ASAP1: variants seen among roughly 807,000 people sequenced by gnomAD.
ASAP1 encodes ArfGAP with SH3 domain, ankyrin repeat and PH domain 1, also known as arf-GAP with SH3 domain, ANK repeat and PH domain-containing protein 1.
ASAP1 carries 43 observed loss-of-function variants against 145.2 expected under a neutral mutation model. The observed-to-expected ratio is 0.30, with a 90% CI of 0.23 to 0.38. ASAP1 has a LOEUF of 0.38. Ranked by LOEUF, ASAP1 falls within the 10% of genes least tolerant of loss-of-function variation. The pLI is 1.00. For synonymous variants in ASAP1, 546 were observed against 515.5 expected (o/e 1.06, Z -0.80); for missense variants, 1,018 against 1,355.3 (o/e 0.75, Z 3.91).
At chr8:130,218,970 A>G (rs1024183818) in intron 4 of ASAP1, among the ~76,000 whole-genome samples, 3 of 152,120 alleles carry the variant, frequency 2.0e-5, no homozygotes, top group Non-Finnish European at 2.9e-5. Context: ...GCATAAAAAT[A>G]TAACAGTTTA....
At chr8:130,286,740 G>A (rs1275413922) in intron 3 of ASAP1, among the ~76,000 whole-genome samples, 5 of 152,164 alleles carry the variant, frequency 3.3e-5, no homozygotes, top group Non-Finnish European at 5.9e-5. Context: ...CACAGCATCC[G>A]ACATGTTTAC....
At chr8:130,230,277 T>G (rs1281100545) in intron 4 of ASAP1, among the ~76,000 whole-genome samples, 2 of 151,980 alleles carry the variant, frequency 1.3e-5, no homozygotes, top group Non-Finnish European at 2.9e-5. Flanking sequence ...ACGGAGGAAG[T>G]GCATACACAG....
At chr8:130,187,810 G>A (rs1387020294) in intron 6 of ASAP1, among the ~76,000 whole-genome samples, 1 of 152,204 alleles carries the variant, frequency 6.6e-6, no homozygotes, top group Non-Finnish European at 1.5e-5. Flanking sequence ...AGGAGCCCGA[G>A]GTTCAGAAGG....
At position 130,065,545 on chromosome 8, in the gene ASAP1, C is replaced by T. The variant is rs189272203; in HGVS notation, c.2702-4476G>A. Among the ~76,000 whole-genome samples the T allele has an allele frequency of 8.7e-4, 132 of 152,222 alleles. 3 individuals are homozygous for T. In the Middle Eastern group the frequency reaches 0.027, roughly 31 times the overall value. The stretch of plus-strand genomic sequence containing the variant: ...TCTGTTTCCTGAGGCCTAACACATC[C>T]AGCATTACAACCAGACTGTAACAAG... On this transcript the variant is annotated intron_variant, in intron 27 of 29. Transcript: ENST00000518721.
chr8:130,348,359 T>C (rs1271457205), intron 3 of ASAP1, among the ~76,000 whole-genome samples: 1 of 152,204 alleles, frequency 6.6e-6, no homozygotes, highest in Non-Finnish European at 1.5e-5. Context: ...GCATATGAGG[T>C]TCTGATTTTA....
At chr8:130,109,171 T>G (rs1022576006) in intron 24 of ASAP1, among the ~76,000 whole-genome samples, 4 of 151,646 alleles carry the variant, frequency 2.6e-5, no homozygotes, top group African/African-American at 9.8e-5. Flanking sequence ...AAATTAATTT[T>G]ACAGCTTTGA....
At chr8:130,418,322 G>T (rs1018326244) in intron 1 of ASAP1, among the ~76,000 whole-genome samples, 8 of 152,164 alleles carry the variant, frequency 5.3e-5, no homozygotes, top group Non-Finnish European at 1.0e-4. Flanking sequence ...GGGCCAGGCG[G>T]GCGGATCATG....
intron 9 of ASAP1, among the ~76,000 whole-genome samples, chr8:130,173,885 C>A (rs747809401): frequency 4.7e-5 from 7 of 149,674 alleles, no homozygotes; most frequent in African/African-American, 7.4e-5. Context: ...CCAGCCTGGG[C>A]AACAAGGTAA....
At chr8:130,142,999 C>T (rs939432718) in intron 13 of ASAP1, among the ~76,000 whole-genome samples, 7 of 152,030 alleles carry the variant, frequency 4.6e-5, no homozygotes, top group Non-Finnish European at 4.4e-5. Flanking sequence ...GTGCTGGTGG[C>T]CAGAGGCTTA....
chr8:130,083,222 T>A (rs1246807881), intron 25 of ASAP1: 1 of 152,226 alleles, frequency 6.6e-6, no homozygotes, highest in East Asian at 1.9e-4. Context: ...ACCTTACTCT[T>A]TGGCTTCTCA....
At chr8:130,092,438 G>GT (rs2097507505) in intron 24 of ASAP1, among the ~76,000 whole-genome samples, 2 of 152,246 alleles carry the variant, frequency 1.3e-5, no homozygotes, top group Admixed American at 1.3e-4. Flanking sequence ...ACCAGCCTGG[G>GT]TAACACAGCA....
At chr8:130,430,981 T>C (rs994995135) in intron 1 of ASAP1, among the ~76,000 whole-genome samples, 3 of 152,098 alleles carry the variant, frequency 2.0e-5, no homozygotes, top group African/African-American at 7.2e-5. Context: ...CCTCAGATAG[T>C]TTCCCACTGA....
At chr8:130,212,543 G>A (rs1459993461) in intron 5 of ASAP1, among the ~76,000 whole-genome samples, 1 of 152,038 alleles carries the variant, frequency 6.6e-6, no homozygotes, top group Non-Finnish European at 1.5e-5. Context: ...TACTAATAGG[G>A]TAAATGAACA....
Position 130,052,631 on chromosome 8 carries a change from AG to A in ASAP1, c.*2099del, listed in dbSNP as rs1283852300. 6.6e-6 allele frequency: 1 copy of A among 152,448 alleles called. No individual in the cohort carries two copies. The highest frequency in any genetic ancestry group is 2.4e-5 in the African/African-American group (1 of 41,396). 9.4% of individuals were successfully genotyped at this position (152,448 alleles called of 1,614,324 possible). On this transcript the variant is annotated 3_prime_UTR_variant, in exon 30 of 30. Coordinates refer to ENST00000518721, the MANE Select transcript of ASAP1 (RefSeq NM_018482.4). ...ACCGAACAAAAAAACTAGAAAAAAA[AG>A]GTGTTAAAAATGCTGTGTAAGTTGC...
chr8:130,299,302 T>A (rs1358010961), intron 3 of ASAP1, among the ~76,000 whole-genome samples: 3 of 152,228 alleles, frequency 2.0e-5, no homozygotes, highest in Non-Finnish European at 4.4e-5. Context: ...CAGTTACTTA[T>A]GTTTCTAATG....
chr8:130,190,135 A>C (rs766377783), intron 5 of ASAP1, among the ~76,000 whole-genome samples: 69 of 152,262 alleles, frequency 4.5e-4, no homozygotes, highest in Admixed American at 2.2e-3. Flanking sequence ...GTGGTGCAGA[A>C]GCTTTTTAAC....
At chr8:130,103,197 C>A (rs1480526388) in intron 24 of ASAP1, among the ~76,000 whole-genome samples, 2 of 151,842 alleles carry the variant, frequency 1.3e-5, no homozygotes, top group African/African-American at 4.8e-5. Flanking sequence ...AATTTGCTGG[C>A]CTATCATTAT....
chr8:130,108,919 GC>G (rs779174848), intron 24 of ASAP1, among the ~76,000 whole-genome samples: 1 of 151,794 alleles, frequency 6.6e-6, no homozygotes, highest in African/African-American at 2.4e-5. Flanking sequence ...GGGATTACAG[GC>G]AGGCGCCACT....
intron 27 of ASAP1, among the ~76,000 whole-genome samples, chr8:130,072,824 T>TGTGTGTGCGCGC: frequency 1.5e-4 from 5 of 32,296 alleles, no homozygotes; most frequent in South Asian, 3.4e-3. Flanking sequence ...TGTGTGTGTG[T>TGTGTGTGCGCGC]GCGCGCGGGG....
Sources: allele counts gnomAD v4.1 joint callset (sites outside exome capture counted in the v4.1 genomes callset), GRCh38; gene constraint gnomAD v4.1.1; transcripts MANE v1.5; gene names NCBI Gene and HGNC (gene_info 2026-07-23, HGNC 2026-07-21).